The following DPYD variants were observed in gnomAD, a reference collection of about 807,000 sequenced individuals.
DPYD encodes dihydropyrimidine dehydrogenase [NADP(+)].
In DPYD, 109 loss-of-function variants were observed where a neutral mutation model predicts 116.2. The observed-to-expected ratio is 0.94, with a 90% CI of 0.80 to 1.10. The LOEUF (loss-of-function observed/expected upper bound fraction) is 1.10, where lower values mean the gene tolerates loss of function less well. DPYD is among the 50% of genes least tolerant of loss of function. DPYD has a pLI of 0.00. For missense variants in DPYD, 1,302 were observed against 1,254.5 expected (o/e 1.04, Z -0.57); for synonymous variants, 440 against 432.0 (o/e 1.02, Z -0.23).
At chr1:97,811,234 T>C (rs1380487936) in intron 3 of DPYD, among the ~76,000 whole-genome samples, 1 of 152,218 alleles carries the variant, frequency 6.6e-6, no homozygotes, top group Non-Finnish European at 1.5e-5. Flanking sequence ...CAATTTTATA[T>C]ACATTTGTGT....
intron 3 of DPYD, among the ~76,000 whole-genome samples, chr1:97,789,659 A>C (rs780587766): frequency 3.3e-5 from 5 of 152,178 alleles, no homozygotes; most frequent in Non-Finnish European, 7.3e-5. Context: ...TTCCAAGCCC[A>C]TATGACCTCA....
chr1:97,388,541 G>A (rs1672490415), intron 14 of DPYD, among the ~76,000 whole-genome samples: 1 of 152,082 alleles, frequency 6.6e-6, no homozygotes. Flanking sequence ...AATCAACCGT[G>A]ATGAATGCTT....
intron 12 of DPYD, among the ~76,000 whole-genome samples, chr1:97,538,366 A>G (rs1285281184): frequency 6.6e-6 from 1 of 152,200 alleles, no homozygotes; most frequent in African/African-American, 2.4e-5. Context: ...CACATAGCCT[A>G]TTGAACTGCC....
chr1:97,155,104 C>G (rs1268228620), intron 20 of DPYD, among the ~76,000 whole-genome samples: 1 of 152,142 alleles, frequency 6.6e-6, no homozygotes. Context: ...GTTATTTCCT[C>G]TTTGCAGGGA....
intron 18 of DPYD, among the ~76,000 whole-genome samples, chr1:97,265,183 C>T (rs934246341): frequency 1.3e-5 from 2 of 152,124 alleles, no homozygotes; most frequent in Non-Finnish European, 2.9e-5. Flanking sequence ...AGGTCCTTTG[C>T]ATGACCTTTT....
intron 12 of DPYD, among the ~76,000 whole-genome samples, chr1:97,544,375 T>C (rs1650671492): frequency 6.6e-6 from 1 of 152,330 alleles, no homozygotes; most frequent in Non-Finnish European, 1.5e-5. Flanking sequence ...TACTCCATTT[T>C]AACATGTAAT....
At chr1:97,423,119 G>A (rs753015876) in intron 14 of DPYD, among the ~76,000 whole-genome samples, 2 of 152,016 alleles carry the variant, frequency 1.3e-5, no homozygotes, top group African/African-American at 2.4e-5. Flanking sequence ...TGTCATGGAA[G>A]CAGACAGTAG....
intron 4 of DPYD, among the ~76,000 whole-genome samples, chr1:97,736,565 G>C (rs774174992): frequency 6.6e-6 from 1 of 152,028 alleles, no homozygotes; most frequent in Non-Finnish European, 1.5e-5. Flanking sequence ...TTTTAAAAGA[G>C]AGAATTAATA....
intron 5 of DPYD, among the ~76,000 whole-genome samples, chr1:97,717,935 A>G (rs1307858048): frequency 1.3e-5 from 2 of 151,810 alleles, no homozygotes; most frequent in Non-Finnish European, 2.9e-5. Context: ...AACATGTGTG[A>G]TCAAGTATCT....
intron 16 of DPYD, among the ~76,000 whole-genome samples, chr1:97,324,928 C>T (rs1163801176): frequency 6.6e-6 from 1 of 152,018 alleles, no homozygotes; most frequent in Non-Finnish European, 1.5e-5. Context: ...AAAATATGAT[C>T]TCCCTTTCAT....
chr1:97,153,337 C>T lies in DPYD; in HGVS notation c.2622+39732G>A, dbSNP rs151209364. 2.5e-3 allele frequency among the ~76,000 whole-genome samples: 381 copies of T among 152,202 alleles called. 2 individuals are homozygous for T. Among genetic ancestry groups the T allele is most frequent in the Middle Eastern group, 0.024 (7 of 294 alleles). On this transcript the variant is annotated intron_variant, in intron 20 of 22. Transcript: ENST00000370192. ...TGAGCAATATGATGACCTGGCATGA[C>T]GTGCAACTTTAGGTCTGGCTCTATA...
chr1:97,098,625 G>A lies in DPYD; in HGVS notation c.2630C>T (p.Pro877Leu). The change falls in exon 21 of 23, where the codon CCA becomes CTA. Residue 877 changes from proline to leucine, a missense_variant. Transcript: ENST00000370192. The stretch of plus-strand genomic sequence containing the variant: ...CTGTTCCAGATAAGGTCCAAAACTT[G>A]GCAGTTTCTAAAAGGAAAACACACA... ...RIAELMDKKL[P>L]SFGPYLEQRK... 6.2e-7 allele frequency: 1 copy of A among 1,612,736 alleles called. No homozygotes were observed. The highest frequency in any genetic ancestry group is 2.2e-5 in the East Asian group (1 of 44,728).
chr1:97,576,333 T>C (rs948916320), intron 10 of DPYD, among the ~76,000 whole-genome samples: 1 of 152,222 alleles, frequency 6.6e-6, no homozygotes, highest in Non-Finnish European at 1.5e-5. Flanking sequence ...GTAACAGTAC[T>C]GTTTTCTGTG....
chr1:97,921,048 C>G, upstream of DPYD: 1 of 1,260,988 alleles, frequency 7.9e-7, no homozygotes, highest in Admixed American at 2.2e-5. Flanking sequence ...GCCGGCGGCG[C>G]GGGGGCGGAG....
chr1:97,443,498 T>C (rs1476319283), intron 14 of DPYD, among the ~76,000 whole-genome samples: 1 of 152,150 alleles, frequency 6.6e-6, no homozygotes, highest in African/African-American at 2.4e-5. Flanking sequence ...TAAATCAGCA[T>C]GGGACTGTGT....
intron 13 of DPYD, among the ~76,000 whole-genome samples, chr1:97,464,064 C>T (rs950772695): frequency 2.6e-5 from 4 of 151,852 alleles, no homozygotes. Flanking sequence ...CATGGTGACA[C>T]CCTGTCTCTA....
At chr1:97,339,809 T>C (rs528601817) in intron 16 of DPYD, among the ~76,000 whole-genome samples, 1 of 152,332 alleles carries the variant, frequency 6.6e-6, no homozygotes, top group East Asian at 1.9e-4. Flanking sequence ...TTAAAATTTA[T>C]GTTTGTGTGT....
intron 13 of DPYD, among the ~76,000 whole-genome samples, chr1:97,481,211 A>G (rs1678277901): frequency 6.6e-6 from 1 of 152,144 alleles, no homozygotes; most frequent in African/African-American, 2.4e-5. Flanking sequence ...AAAAATGCAC[A>G]TGTGAACGAA....
At chr1:97,700,454 C>T (rs566990364) in intron 5 of DPYD, among the ~76,000 whole-genome samples, 12 of 152,054 alleles carry the variant, frequency 7.9e-5, no homozygotes, top group East Asian at 3.9e-4. Context: ...CCTCAGTGTA[C>T]GGCTGAAGCT....
Sources: allele counts gnomAD v4.1 joint callset (sites outside exome capture counted in the v4.1 genomes callset), GRCh38; gene constraint gnomAD v4.1.1; transcripts MANE v1.5; gene names NCBI Gene and HGNC (gene_info 2026-07-23, HGNC 2026-07-21).